Variants in NRXN3 observed in about 807,000 individuals in gnomAD.
NRXN3 encodes neurexin 3.
Under a neutral mutation model 137.6 loss-of-function variants are expected in NRXN3, and 32 were observed. The observed-to-expected ratio is 0.23, with a 90% confidence interval of 0.18 to 0.31. NRXN3 has a LOEUF of 0.31. Among genes scored for constraint, NRXN3 ranks in the 10% least tolerant of loss-of-function variants. The pLI, the probability that NRXN3 is intolerant of heterozygous loss-of-function variation, is 1.00. For synonymous variants in NRXN3, 798 were observed against 784.5 expected (o/e 1.02, Z -0.29); for missense variants, 1,574 against 2,062.5 (o/e 0.76, Z 4.59).
chr14:79,747,240 A>G (rs2154084581), intron 19 of NRXN3, among the ~76,000 whole-genome samples: 1 of 152,174 alleles, frequency 6.6e-6, no homozygotes, highest in Middle Eastern at 3.4e-3. Context: ...CTGGAGGGAC[A>G]CTGTTTTCTG....
intron 4 of NRXN3, among the ~76,000 whole-genome samples, chr14:78,568,555 T>G (rs933121620): frequency 2.0e-5 from 3 of 152,218 alleles, no homozygotes; most frequent in Non-Finnish European, 4.4e-5. Context: ...TGGTAATTTA[T>G]GTATCAGGTT....
intron 19 of NRXN3, among the ~76,000 whole-genome samples, chr14:79,702,909 A>C (rs1027919029): frequency 4.7e-4 from 69 of 147,130 alleles, no homozygotes; most frequent in African/African-American, 1.7e-3. Flanking sequence ...TTATGTCTCC[A>C]TCCTGAGTTA....
At chr14:78,878,458 A>C (rs1445763419) in intron 10 of NRXN3, among the ~76,000 whole-genome samples, 25 of 152,184 alleles carry the variant, frequency 1.6e-4, no homozygotes, top group Non-Finnish European at 2.4e-4. Flanking sequence ...TGAATTTCTC[A>C]GTAACTGTTT....
intron 15 of NRXN3, among the ~76,000 whole-genome samples, chr14:79,243,893 A>T (rs1002791415): frequency 2.0e-5 from 3 of 152,154 alleles, no homozygotes; most frequent in African/African-American, 4.8e-5. Flanking sequence ...TTTCCAAGTG[A>T]CAAAAAAAAT....
In NRXN3 at chr14:79,759,842, G is replaced by A. The variant is rs540684339; in HGVS notation, c.4015-45270G>A. ...AAATCTGTGCTGTTTATCTGGCAATGGAAGTCAGATCAAAATATATCTATA... is the reference window on the plus strand; with the variant it reads ...AAATCTGTGCTGTTTATCTGGCAATAGAAGTCAGATCAAAATATATCTATA... On this transcript the variant is annotated intron_variant, in intron 19 of 20. Transcript: ENST00000335750. 3.3e-5 allele frequency among the ~76,000 whole-genome samples: 5 copies of A among 151,722 alleles called. No homozygotes were observed. In the South Asian group the frequency reaches 1.0e-3, roughly 31 times the overall value.
At chr14:78,804,559 A>G (rs189781021) in intron 9 of NRXN3, among the ~76,000 whole-genome samples, 2 of 152,312 alleles carry the variant, frequency 1.3e-5, no homozygotes, top group Non-Finnish European at 2.9e-5. Context: ...TTCTTCTTAT[A>G]TAATACATAT....
chr14:78,762,316 A>G (rs951435624), intron 8 of NRXN3, among the ~76,000 whole-genome samples: 1 of 152,188 alleles, frequency 6.6e-6, no homozygotes, highest in Admixed American at 6.5e-5. Flanking sequence ...TGCATTTTGT[A>G]GATTCCAAAA....
At chr14:79,705,507 T>C (rs2098774144) in intron 19 of NRXN3, among the ~76,000 whole-genome samples, 1 of 152,208 alleles carries the variant, frequency 6.6e-6, no homozygotes, top group Non-Finnish European at 1.5e-5. Flanking sequence ...TTTTCCTGCA[T>C]TAATATTGAT....
rs116272959 is a variant in NRXN3, at chr14:78,475,214, A to G, written c.758-169906A>G. Among the ~76,000 whole-genome samples, 464 of 88,940 alleles carry G rather than the reference A, an allele frequency of 5.2e-3. 8 individuals carry two copies. Among genetic ancestry groups the G allele is most frequent in the African/African-American group, 0.02 (446 of 22,634 alleles). 58.3% of individuals were successfully genotyped at this position (88,940 alleles called of 152,430 possible). A position where few individuals can be genotyped will look rare whatever the true frequency, so the allele number is the denominator to read the frequency against. On this transcript the variant is annotated intron_variant, in intron 4 of 20. Coordinates refer to ENST00000335750, the MANE Select transcript of NRXN3 (RefSeq NM_001330195.2). The stretch of plus-strand genomic sequence containing the variant: ...AGGTGTGAAAAAGCATTTTATTAGC[A>G]TTATCTTTGTGGATATTCCCCTTTC...
At chr14:79,029,846 GTTTA>G (rs749034252) in intron 15 of NRXN3, among the ~76,000 whole-genome samples, 12 of 151,354 alleles carry the variant, frequency 7.9e-5, no homozygotes, top group East Asian at 5.8e-4. Flanking sequence ...TTGTTTGTTT[GTTTA>G]TTTATTTATT....
chr14:78,736,383 TA>T (rs2098541411), intron 8 of NRXN3, among the ~76,000 whole-genome samples: 1 of 152,208 alleles, frequency 6.6e-6, no homozygotes, highest in African/African-American at 2.4e-5. Flanking sequence ...CTGAGCCTTA[TA>T]TTTTTTTCAC....
At chr14:78,186,723 C>T (rs546378841) in intron 1 of NRXN3, among the ~76,000 whole-genome samples, 2 of 152,222 alleles carry the variant, frequency 1.3e-5, no homozygotes, top group Non-Finnish European at 2.9e-5. Context: ...GATTTTCCTC[C>T]TGTGTGTGGA....
chr14:79,234,317 TA>T (rs1193362465), intron 15 of NRXN3, among the ~76,000 whole-genome samples: 10 of 119,598 alleles, frequency 8.4e-5, no homozygotes, highest in African/African-American at 3.3e-4. Context: ...TATATATATA[TA>T]TATATATATA....
intron 8 of NRXN3, among the ~76,000 whole-genome samples, chr14:78,788,553 G>A (rs563856210): frequency 6.6e-6 from 1 of 152,078 alleles, no homozygotes; most frequent in Non-Finnish European, 1.5e-5. Flanking sequence ...CTGGCTCTTG[G>A]AAAGGCTTGT....
intron 6 of NRXN3, among the ~76,000 whole-genome samples, chr14:78,667,209 G>A (rs1207195081): frequency 6.6e-6 from 1 of 152,074 alleles, no homozygotes; most frequent in African/African-American, 2.4e-5. Context: ...TGAAATTTTT[G>A]TTTTTCTACT....
chr14:78,322,839 C>G (rs1275543881), intron 4 of NRXN3, among the ~76,000 whole-genome samples: 1 of 152,028 alleles, frequency 6.6e-6, no homozygotes, highest in African/African-American at 2.4e-5. Flanking sequence ...GCCTCACACA[C>G]TCTGTGACAC....
intron 4 of NRXN3, among the ~76,000 whole-genome samples, chr14:78,550,273 A>G (rs571215974): frequency 6.6e-6 from 1 of 152,212 alleles, no homozygotes; most frequent in South Asian, 2.1e-4. Flanking sequence ...TAAGTGATCC[A>G]CGTGCTTCTG....
intron 15 of NRXN3, among the ~76,000 whole-genome samples, chr14:79,366,918 C>T (rs1382100102): frequency 6.6e-6 from 1 of 151,256 alleles, no homozygotes; most frequent in Non-Finnish European, 1.5e-5. Context: ...ATCAGTAATC[C>T]ATTTTTAAAA....
At chr14:79,084,596 G>A (rs773608272) in intron 15 of NRXN3, among the ~76,000 whole-genome samples, 1 of 152,124 alleles carries the variant, frequency 6.6e-6, no homozygotes, top group Admixed American at 6.5e-5. Flanking sequence ...CATTTCCTAT[G>A]CCCCTCTGCT....
Sources: allele counts gnomAD v4.1 joint callset (sites outside exome capture counted in the v4.1 genomes callset), GRCh38; gene constraint gnomAD v4.1.1; transcripts MANE v1.5; gene names NCBI Gene and HGNC (gene_info 2026-07-23, HGNC 2026-07-21).